KLHL8: variants seen among roughly 807,000 people sequenced by gnomAD.
KLHL8 encodes kelch like family member 8, also known as kelch-like protein 8.
A neutral mutation model predicts 63.5 loss-of-function variants in KLHL8; 38 were observed. The observed-to-expected ratio is 0.60, with a 90% CI of 0.46 to 0.78. The LOEUF is 0.78. Among genes scored for constraint, KLHL8 ranks in the 30% least tolerant of loss-of-function variants. The pLI, the probability that KLHL8 is intolerant of heterozygous loss-of-function variation, is 0.00. For synonymous variants in KLHL8, 224 were observed against 254.3 expected, an observed-to-expected ratio of 0.88 and a Z score of 1.13; for missense variants, 566 against 752.4, an observed-to-expected ratio of 0.75 and a Z score of 2.90.
At chr4:87,222,503 C>T (rs1482507435), upstream of KLHL8, among the ~76,000 whole-genome samples, 1 of 152,126 alleles carries the variant, frequency 6.6e-6, no homozygotes, top group Non-Finnish European at 1.5e-5. Flanking sequence ...TTTCAGTGAA[C>T]CTTCCAAGGG....
At chr4:87,237,660 C>G (rs1733255723) in intron 1 of KLHL8, among the ~76,000 whole-genome samples, 1 of 152,096 alleles carries the variant, frequency 6.6e-6, no homozygotes, top group African/African-American at 2.4e-5. Context: ...AACTCTGTCT[C>G]TACTAAAAAT....
intron 1 of KLHL8, among the ~76,000 whole-genome samples, chr4:87,198,880 A>C (rs1053202703): frequency 6.6e-6 from 1 of 152,232 alleles, no homozygotes; most frequent in Non-Finnish European, 1.5e-5. Context: ...AAGCAGCCTA[A>C]ATGTCCTTAG....
At chr4:87,168,793 TAC>T (rs1169896131) in intron 8 of KLHL8, among the ~76,000 whole-genome samples, 4 of 53,052 alleles carry the variant, frequency 7.5e-5, no homozygotes, top group African/African-American at 1.1e-4. Context: ...TACGTATATA[TAC>T]ACACATATAT....
At chr4:87,181,277 A>G (rs1268910909) in intron 4 of KLHL8, among the ~76,000 whole-genome samples, 1 of 145,810 alleles carries the variant, frequency 6.9e-6, no homozygotes, top group South Asian at 2.3e-4. Context: ...AAATACAAAA[A>G]AAAAAAGAAA....
At chr4:87,181,392 C>T (rs751147300) in intron 4 of KLHL8, among the ~76,000 whole-genome samples, 13 of 151,698 alleles carry the variant, frequency 8.6e-5, no homozygotes, top group Non-Finnish European at 1.2e-4. Flanking sequence ...GGTGACAGAG[C>T]GAGACTCAGT....
At chr4:87,231,597 T>C (rs1733139078) in intron 1 of KLHL8, among the ~76,000 whole-genome samples, 1 of 151,992 alleles carries the variant, frequency 6.6e-6, no homozygotes, top group Non-Finnish European at 1.5e-5. Context: ...GTCCCACAAA[T>C]ACTTCTTTTT....
chr4:87,234,420 G>C (rs1366680808), intron 1 of KLHL8, among the ~76,000 whole-genome samples: 1 of 147,232 alleles, frequency 6.8e-6, no homozygotes, highest in East Asian at 2.0e-4. Flanking sequence ...CCTGGCAACA[G>C]AGTGAGTCTC....
In KLHL8 at chr4:87,195,312, A is replaced by C; in HGVS notation, c.216+12T>G. On this transcript the variant is annotated intron_variant, in intron 2 of 9. Coordinates refer to ENST00000273963, the MANE Select transcript of KLHL8 (RefSeq NM_020803.5). ...AAGAGGCCTGAGAAAAGTACAAAAA[A>C]GGCAATCTCACCTTGAGTGTGACAT... The C allele has an allele frequency of 6.2e-7, 1 of 1,606,492 alleles. No homozygotes were observed. Among genetic ancestry groups the C allele is most frequent in the Non-Finnish European group, 8.5e-7 (1 of 1,176,664 alleles).
Position 87,195,443 on chromosome 4 carries a change from T to C in KLHL8, c.97A>G (p.Ile33Val), listed in dbSNP as rs760377364. Residue 33 changes from isoleucine to valine, a missense_variant, in exon 2 of 10, where the codon ATT becomes GTT. Ile to Val is a conservative substitution (Grantham distance 29). Transcript: ENST00000273963. ...QHQQIKNRSSISDGDGEDSFI... is the reference protein window; with the variant it reads ...QHQQIKNRSSVSDGDGEDSFI... ...GAATCTTCTCCATCACCATCACTAA[T>C]TGAGGATCTGTTCTTTATTTGCTGG... is the stretch of plus-strand genomic sequence containing the variant. 9.3e-6 allele frequency: 15 copies of C among 1,613,892 alleles called. No individual in the cohort carries two copies. Among genetic ancestry groups the C allele is most frequent in the Admixed American group, 1.7e-5 (1 of 60,032 alleles).
At chr4:87,239,209 C>G (rs1179710802) in intron 1 of KLHL8, among the ~76,000 whole-genome samples, 2 of 152,178 alleles carry the variant, frequency 1.3e-5, no homozygotes, top group African/African-American at 4.8e-5. Context: ...AGAGTTCCTT[C>G]AAAAGACACT....
chr4:87,198,703 G>A (rs962714615), intron 1 of KLHL8, among the ~76,000 whole-genome samples: 1 of 152,192 alleles, frequency 6.6e-6, no homozygotes. Context: ...TAGCACAAGA[G>A]ATACTTGTGA....
intron 4 of KLHL8, among the ~76,000 whole-genome samples, chr4:87,181,991 G>A (rs1002979943): frequency 6.6e-6 from 1 of 152,046 alleles, no homozygotes; most frequent in South Asian, 2.1e-4. Flanking sequence ...CACTTCGGGA[G>A]GCCAAGGCAG....
chr4:87,228,152 C>T (rs1202891436), intron 1 of KLHL8, among the ~76,000 whole-genome samples: 1 of 152,184 alleles, frequency 6.6e-6, no homozygotes, highest in African/African-American at 2.4e-5. Flanking sequence ...GCGTGTGGGA[C>T]CCTCTCAGAT....
chr4:87,185,950 G>C, intron 2 of KLHL8, 151 bp from the exon 3 acceptor site: 2 of 649,556 alleles, frequency 3.1e-6, no homozygotes, highest in East Asian at 5.5e-5. Context: ...CTTTCAAGTA[G>C]GCCAGTTTCT....
At chr4:87,215,764 A>G (rs990033697) in intron 1 of KLHL8, among the ~76,000 whole-genome samples, 1 of 152,228 alleles carries the variant, frequency 6.6e-6, no homozygotes, top group Non-Finnish European at 1.5e-5. Flanking sequence ...AAAGCAAATA[A>G]GTTTTAAATG....
In KLHL8 at chr4:87,196,505, C is replaced by T. The variant is rs558947348; in HGVS notation, c.-151-815G>A. On this transcript the variant is annotated intron_variant, in intron 1 of 9. Coordinates refer to ENST00000273963, the MANE Select transcript of KLHL8 (RefSeq NM_020803.5). ...CAACCTGCTTAGACCTCGATCTCTT[C>T]TGTAAAATAGAGATACCACTTAAGG... is the stretch of plus-strand genomic sequence containing the variant. 1.4e-4 allele frequency among the ~76,000 whole-genome samples: 22 copies of T among 152,170 alleles called. No homozygotes were observed. In the South Asian group the frequency reaches 4.3e-3, roughly 30 times the overall value.
intron 1 of KLHL8, among the ~76,000 whole-genome samples, chr4:87,226,234 G>C (rs530609399): frequency 1.3e-5 from 2 of 152,034 alleles, no homozygotes; most frequent in Admixed American, 6.6e-5. Context: ...CCAAATGTAC[G>C]ATGTCTGTGA....
chr4:87,223,589 G>T (rs561903348), upstream of KLHL8, among the ~76,000 whole-genome samples: 3 of 152,138 alleles, frequency 2.0e-5, no homozygotes, highest in African/African-American at 7.2e-5. Context: ...GTATGCATGG[G>T]GTGGCCAGGG....
chr4:87,203,219 G>C (rs1731985078), intron 1 of KLHL8, among the ~76,000 whole-genome samples: 1 of 152,150 alleles, frequency 6.6e-6, no homozygotes, highest in South Asian at 2.1e-4. Context: ...GCTAGAACTA[G>C]TAAGTTTAGC....
Sources: allele counts gnomAD v4.1 joint callset (sites outside exome capture counted in the v4.1 genomes callset), GRCh38; gene constraint gnomAD v4.1.1; transcripts MANE v1.5; gene names NCBI Gene and HGNC (gene_info 2026-07-23, HGNC 2026-07-21).